DAB1: variants seen among roughly 807,000 people sequenced by gnomAD.
DAB1 encodes the protein disabled homolog 1.
Under a neutral mutation model 64.6 loss-of-function variants are expected in DAB1, and 15 were observed. The ratio of observed to expected loss-of-function variants is 0.23; its 90% CI spans 0.16 to 0.36. The LOEUF (loss-of-function observed/expected upper bound fraction) is 0.36. DAB1 is among the 10% of genes least tolerant of loss of function. DAB1 has a pLI of 1.00. For missense variants in DAB1, 596 were observed against 706.7 expected (o/e 0.84, Z 1.78); for synonymous variants, 235 against 251.9 (o/e 0.93, Z 0.64).
chr1:57,388,227 T>C (rs1242222808), intron 1 of DAB1, among the ~76,000 whole-genome samples: 1 of 152,212 alleles, frequency 6.6e-6, no homozygotes, highest in Non-Finnish European at 1.5e-5. Flanking sequence ...AGATTTCCTT[T>C]CACACAGCCA....
intron 6 of DAB1, among the ~76,000 whole-genome samples, chr1:57,733,340 T>A (rs1406862409): frequency 3.3e-4 from 50 of 151,918 alleles, no homozygotes. Flanking sequence ...CTTGCCTTCC[T>A]AGAATGTAAG....
In DAB1 at chr1:57,120,335, G is replaced by GT. The variant is rs141067998; in HGVS notation, c.306+16207dup. Among the ~76,000 whole-genome samples, 668 of 152,224 alleles carry GT rather than the reference G, an allele frequency of 4.4e-3. 4 individuals are homozygous for GT. The highest frequency in any genetic ancestry group is 0.015 in the African/African-American group (625 of 41,548). On this transcript the variant is annotated intron_variant, in intron 4 of 14. Transcript: ENST00000371236. ...TAAGTGAGCACCTTCTATCTACAAG[G>GT]TAAGGGTTTAGTACTGTGAACACAC... is the stretch of plus-strand genomic sequence containing the variant.
chr1:58,269,042 T>G (rs1323499853), intron 4 of DAB1, among the ~76,000 whole-genome samples: 2 of 151,836 alleles, frequency 1.3e-5, no homozygotes, highest in African/African-American at 2.4e-5. Flanking sequence ...ACTTTAAGTT[T>G]TAGGGTACAT....
chr1:57,747,427 A>G (rs1382939052), intron 6 of DAB1, among the ~76,000 whole-genome samples: 5 of 152,180 alleles, frequency 3.3e-5, no homozygotes, highest in East Asian at 1.9e-4. Flanking sequence ...AGTATTTGGA[A>G]CAGAATAGAC....
intron 12 of DAB1, 45 bp from the exon 13 acceptor site, chr1:57,011,317 G>T: frequency 1.3e-6 from 2 of 1,598,230 alleles, no homozygotes; most frequent in Non-Finnish European, 1.7e-6. Flanking sequence ...GTGCCTGGCT[G>T]CCATGAATGT....
At chr1:57,323,139 C>T (rs1675862206) in intron 1 of DAB1, among the ~76,000 whole-genome samples, 1 of 152,076 alleles carries the variant, frequency 6.6e-6, no homozygotes, top group African/African-American at 2.4e-5. Context: ...GGATATACCA[C>T]CTAATTCTCC....
intron 5 of DAB1, among the ~76,000 whole-genome samples, chr1:57,976,147 T>C (rs749922544): frequency 1.7e-4 from 26 of 152,188 alleles, no homozygotes; most frequent in Non-Finnish European, 3.1e-4. Flanking sequence ...GGTTGAAATT[T>C]TAAAGAACTG....
At chr1:57,448,840 A>T (rs1168370582) in intron 7 of DAB1, among the ~76,000 whole-genome samples, 1 of 152,086 alleles carries the variant, frequency 6.6e-6, no homozygotes, top group African/African-American at 2.4e-5. Flanking sequence ...GATTAAGAAT[A>T]AGCCTTACAC....
intron 3 of DAB1, among the ~76,000 whole-genome samples, chr1:58,459,736 G>A (rs149282794): frequency 0.036 from 5,446 of 152,316 alleles, 128 homozygotes; most frequent in Non-Finnish European, 0.056. Flanking sequence ...CCAGCACTTT[G>A]GGAAGCCAAG....
intron 3 of DAB1, among the ~76,000 whole-genome samples, chr1:58,452,014 G>A (rs1316922540): frequency 2.9e-5 from 4 of 140,016 alleles, no homozygotes; most frequent in Middle Eastern, 3.8e-3. Flanking sequence ...GTGCCCCACC[G>A]CCCCGCCCCC....
At chr1:58,533,262 T>C (rs1646464726) in intron 1 of DAB1, among the ~76,000 whole-genome samples, 1 of 152,200 alleles carries the variant, frequency 6.6e-6, no homozygotes, top group Non-Finnish European at 1.5e-5. Flanking sequence ...CAGGTAACTG[T>C]AGTGAAAGGA....
chr1:57,684,943 G>C (rs1646678070), intron 6 of DAB1, among the ~76,000 whole-genome samples: 1 of 134,408 alleles, frequency 7.4e-6, no homozygotes, highest in Non-Finnish European at 1.5e-5. Flanking sequence ...AGCAGGAGTT[G>C]CTATTCTTTC....
At chr1:57,169,050 T>C (rs1437049324) in intron 2 of DAB1, among the ~76,000 whole-genome samples, 1 of 152,090 alleles carries the variant, frequency 6.6e-6, no homozygotes, top group East Asian at 1.9e-4. Flanking sequence ...AGTGGGACCC[T>C]GCCTCAAATA....
chr1:58,179,235 C>G (rs1247557854), intron 4 of DAB1, among the ~76,000 whole-genome samples: 1 of 151,746 alleles, frequency 6.6e-6, no homozygotes, highest in Non-Finnish European at 1.5e-5. Flanking sequence ...AATTCAGTTT[C>G]TTAATACTAT....
intron 3 of DAB1, among the ~76,000 whole-genome samples, chr1:58,381,278 C>T (rs1557744918): frequency 6.6e-6 from 1 of 151,960 alleles, no homozygotes; most frequent in Non-Finnish European, 1.5e-5. Context: ...TCTGCGCATG[C>T]TACACATGTA....
chr1:58,460,066 A>G, intron 3 of DAB1, among the ~76,000 whole-genome samples: 1 of 152,236 alleles, frequency 6.6e-6, no homozygotes, highest in South Asian at 2.1e-4. Flanking sequence ...AAGAGTACTG[A>G]AGAATTTGTG....
At position 58,087,790 on chromosome 1, in the gene DAB1, C is replaced by T. The variant is rs146113080; in HGVS notation, n.387+62721G>A. On this transcript the variant is annotated intron_variant and non_coding_transcript_variant, in intron 5 of 20. Transcript: ENST00000485760. ...ATTTGTGCAAAATTGTCAAGGCCTA[C>T]GTAACGACATCTATGGACATTTAAG... Among the ~76,000 whole-genome samples, 425 of 152,286 alleles carry T rather than the reference C, an allele frequency of 2.8e-3. 1 individual carries two copies. The highest frequency in any genetic ancestry group is 9.4e-3 in the African/African-American group (391 of 41,556).
chr1:58,208,524 A>T (rs900843059), intron 4 of DAB1, among the ~76,000 whole-genome samples: 1 of 152,160 alleles, frequency 6.6e-6, no homozygotes, highest in Non-Finnish European at 1.5e-5. Context: ...GCTCCCACTT[A>T]TAAGTGAGAA....
intron 7 of DAB1, among the ~76,000 whole-genome samples, chr1:57,509,376 G>A (rs1004001379): frequency 6.6e-6 from 1 of 152,030 alleles, no homozygotes; most frequent in African/African-American, 2.4e-5. Context: ...AGTGAAGTTC[G>A]GAGGTAAACG....
Sources: gnomAD v4.1 joint callset for allele counts (sites outside exome capture counted in the v4.1 genomes callset) on GRCh38, gnomAD v4.1.1 for gene constraint, MANE v1.5 for transcripts, NCBI Gene and HGNC (gene_info 2026-07-23, HGNC 2026-07-21) for gene names.